Variants in HMCN1 observed in about 807,000 individuals in gnomAD.
HMCN1 encodes hemicentin-1.
HMCN1 carries 321 observed loss-of-function variants against 625.9 expected under a neutral mutation model. The ratio of observed to expected loss-of-function variants is 0.51; its 90% confidence interval spans 0.47 to 0.56. The LOEUF is 0.56. Among genes scored for constraint, HMCN1 ranks in the 20% least tolerant of loss-of-function variants. The pLI is 0.00. For missense variants in HMCN1, 6,588 were observed against 6,887.3 expected, an observed-to-expected ratio of 0.96 and a Z score of 1.54; for synonymous variants, 2,425 against 2,417.6, an observed-to-expected ratio of 1.00 and a Z score of -0.09.
At chr1:186,147,096 T>A (rs1201532952) in intron 93 of HMCN1, among the ~76,000 whole-genome samples, 2 of 152,204 alleles carry the variant, frequency 1.3e-5, no homozygotes, top group East Asian at 1.9e-4. Context: ...CTACATCATC[T>A]TGCAGCATGG....
intron 4 of HMCN1, among the ~76,000 whole-genome samples, chr1:185,868,439 T>C (rs549201692): frequency 6.6e-6 from 1 of 152,286 alleles, no homozygotes; most frequent in African/African-American, 2.4e-5. Flanking sequence ...AATTAGATTA[T>C]GGGGGCAGTT....
chr1:186,106,735 T>C, intron 69 of HMCN1, 149 bp from the exon 70 acceptor site: 1 of 668,448 alleles, frequency 1.5e-6, no homozygotes, highest in Non-Finnish European at 2.7e-6. Context: ...CAATGCTTTC[T>C]ATCAGAGTGC....
At chr1:185,866,793 C>T (rs1174406471) in intron 4 of HMCN1, among the ~76,000 whole-genome samples, 9 of 152,040 alleles carry the variant, frequency 5.9e-5, no homozygotes, top group African/African-American at 1.9e-4. Context: ...ATTTGACTCT[C>T]ATTTAAGTTT....
chr1:185,746,072 A>T (rs148982759), intron 1 of HMCN1, among the ~76,000 whole-genome samples: 263 of 152,346 alleles, frequency 1.7e-3, no homozygotes, highest in East Asian at 0.017. Context: ...CTGTGCATTT[A>T]TAGAGTTCCT....
chr1:185,797,791 C>A (rs1010771133), intron 1 of HMCN1, among the ~76,000 whole-genome samples: 1 of 139,372 alleles, frequency 7.2e-6, no homozygotes, highest in Non-Finnish European at 1.5e-5. Context: ...ACGGTGAAAC[C>A]CCGTCTCTAC....
chr1:185,785,200 T>A (rs1480405714), intron 1 of HMCN1, among the ~76,000 whole-genome samples: 2 of 152,198 alleles, frequency 1.3e-5, no homozygotes, highest in Non-Finnish European at 2.9e-5. Context: ...TGCTTGGAAA[T>A]AGGTAGATAG....
intron 31 of HMCN1, among the ~76,000 whole-genome samples, chr1:186,015,741 A>T (rs551013408): frequency 1.3e-5 from 2 of 152,264 alleles, no homozygotes; most frequent in South Asian, 2.1e-4. Flanking sequence ...TGTCCTTTAT[A>T]AGCCAGAAAG....
intron 24 of HMCN1, among the ~76,000 whole-genome samples, chr1:185,996,308 A>G (rs755936953): frequency 2.0e-5 from 3 of 152,122 alleles, no homozygotes; most frequent in Non-Finnish European, 2.9e-5. Context: ...TTCCAGGAGA[A>G]GGACATAGAA....
In HMCN1 at chr1:186,137,616, C is replaced by G; in HGVS notation, c.13701C>G (p.Pro4567=). 1.9e-6 allele frequency: 3 copies of G among 1,614,028 alleles called. No homozygotes were observed. The South Asian group carries it at 3.3e-5, about 18-fold the overall frequency. ...CCCTTCCAGCCAATGGTGGGAAGCC[C>G]TGCCAAGGTTCAGATTTGGAAATGC... The part of the protein sequence containing the change: ...NQPLPANGGK[P]CQGSDLEMRN... Residue 4567 remains proline, a synonymous_variant, in exon 88 of 107, where the codon CCC becomes CCG. Coordinates refer to ENST00000271588, the MANE Select transcript of HMCN1 (RefSeq NM_031935.3).
intron 98 of HMCN1, 26 bp from the exon 99 acceptor site, chr1:186,166,158 T>A (rs377225706): frequency 3.1e-6 from 5 of 1,613,434 alleles, no homozygotes; most frequent in Non-Finnish European, 4.2e-6. Flanking sequence ...ACATACTGAT[T>A]TGGGCCTTTT....
At chr1:186,152,721 T>A (rs774583010) in intron 95 of HMCN1, 29 bp from the exon 96 acceptor site, 1 of 1,613,042 alleles carries the variant, frequency 6.2e-7, no homozygotes, top group Non-Finnish European at 8.5e-7. Context: ...ATTTTTTTGC[T>A]GTCAAAATGA....
intron 29 of HMCN1, 25 bp downstream of exon 29, chr1:186,003,869 G>T (rs763398139): frequency 5.0e-5 from 81 of 1,610,608 alleles, no homozygotes; most frequent in Admixed American, 8.3e-5. Context: ...TGTATTTGTT[G>T]CAAGGTTTCA....
chr1:186,184,198 A>G (rs1036351037), intron 105 of HMCN1, among the ~76,000 whole-genome samples: 1 of 152,212 alleles, frequency 6.6e-6, no homozygotes, highest in East Asian at 1.9e-4. Flanking sequence ...TAAATGGGTT[A>G]CATATTTTTG....
At position 186,151,256 on chromosome 1, in the gene HMCN1, G is replaced by C; in HGVS notation, c.14665G>C (p.Gly4889Arg). 1 of 1,613,542 alleles carries C rather than the reference G, an allele frequency of 6.2e-7. No homozygotes were observed. The highest frequency in any genetic ancestry group is 1.1e-5 in the South Asian group (1 of 91,046). ...VIGNINDVEF[G>R]IAFLNATITD... is the part of the protein sequence containing the mutation. ...TGGAAATATTAATGATGTTGAATTTGGAATTGCTTTCCTTAATGCCACAAT... is the reference window on the plus strand; with the variant it reads ...TGGAAATATTAATGATGTTGAATTTCGAATTGCTTTCCTTAATGCCACAAT... The change falls in exon 94 of 107, where the codon GGA becomes CGA. Residue 4889 changes from glycine to arginine, a missense_variant. Coordinates refer to ENST00000271588, the MANE Select transcript of HMCN1 (RefSeq NM_031935.3).
At chr1:186,140,971 G>GAAAT (rs1649919714) in intron 89 of HMCN1, among the ~76,000 whole-genome samples, 2 of 152,198 alleles carry the variant, frequency 1.3e-5, no homozygotes, top group African/African-American at 4.8e-5. Context: ...TATATATAAT[G>GAAAT]AAATAATTAT....
chr1:185,823,014 C>G (rs950237295), intron 1 of HMCN1, among the ~76,000 whole-genome samples: 1 of 152,092 alleles, frequency 6.6e-6, no homozygotes, highest in Non-Finnish European at 1.5e-5. Flanking sequence ...CTTCCTTTAA[C>G]TTATCTCACT....
At chr1:186,102,543 T>A (rs1660430333) in intron 68 of HMCN1, among the ~76,000 whole-genome samples, 1 of 152,138 alleles carries the variant, frequency 6.6e-6, no homozygotes, top group Non-Finnish European at 1.5e-5. Flanking sequence ...AATGTTGGTA[T>A]CCCCATTTTA....
chr1:186,189,213 G>T (rs1653556694), intron 106 of HMCN1, among the ~76,000 whole-genome samples: 1 of 152,094 alleles, frequency 6.6e-6, no homozygotes, highest in South Asian at 2.1e-4. Context: ...TTCCAAAACT[G>T]ACTTTTCATT....
intron 6 of HMCN1, among the ~76,000 whole-genome samples, chr1:185,915,276 TA>T (rs1289356782): frequency 6.6e-6 from 1 of 152,084 alleles, no homozygotes; most frequent in African/African-American, 2.4e-5. Flanking sequence ...TTTCCATTTG[TA>T]GGAAAGCTAC....
Sources: allele counts gnomAD v4.1 joint callset (sites outside exome capture counted in the v4.1 genomes callset), GRCh38; gene constraint gnomAD v4.1.1; transcripts MANE v1.5; gene names NCBI Gene and HGNC (gene_info 2026-07-23, HGNC 2026-07-21).